The following NHS variants were observed in gnomAD, a reference collection of about 807,000 sequenced individuals.
NHS encodes NHS actin remodeling regulator, also known as actin remodeling regulator NHS.
NHS carries 5 observed loss-of-function variants against 72.5 expected under a neutral mutation model. That is an observed-to-expected ratio of 0.07 (90% CI 0.04 to 0.14). The LOEUF is 0.14. NHS is among the 10% of genes least tolerant of loss of function. The pLI, the probability that NHS is intolerant of heterozygous loss-of-function variation, is 1.00. For missense variants in NHS, 1,072 were observed against 1,355.7 expected (o/e 0.79, Z 3.29); for synonymous variants, 464 against 547.7 (o/e 0.85, Z 2.13).
Position 17,725,392 on chromosome X carries a change from A to C in NHS, c.1286A>C (p.His429Pro). ...PVARERNVIV[H>P]TNPDPSNTVN... ...GCCAGGGAAAGGAATGTGATTGTGC[A>C]CACAAACCCAGACCCCTCCAACACT... The change falls in exon 7 of 9, where the codon CAC becomes CCC. Residue 429 changes from histidine (H) to proline (P), a missense_variant. Coordinates refer to ENST00000676302, the MANE Select transcript of NHS (RefSeq NM_001291867.2). 1 of 1,206,932 alleles carries C rather than the reference A, an allele frequency of 8.3e-7. No individual in the cohort carries two copies.
At chrX:17,429,077 A>G (rs866812807) in intron 1 of NHS, among the ~76,000 whole-genome samples, 1 of 112,014 alleles carries the variant, frequency 8.9e-6, no homozygotes, top group Non-Finnish European at 1.9e-5. Flanking sequence ...CACTTGTGGA[A>G]TTCTATAGAG....
At chrX:17,461,389 A>G (rs1485551622) in intron 1 of NHS, among the ~76,000 whole-genome samples, 1 of 112,383 alleles carries the variant, frequency 8.9e-6, no homozygotes, top group Non-Finnish European at 1.9e-5. Context: ...TTCCAAACAC[A>G]AAGTCCTTTT....
At chrX:17,385,041 T>C (rs28455805) in intron 1 of NHS, among the ~76,000 whole-genome samples, 15,291 of 111,545 alleles carry the variant, frequency 0.14, 1,265 homozygotes, top group African/African-American at 0.3. Context: ...AATGTAAGGA[T>C]CTCATTCTGG....
At chrX:17,717,461 T>C (rs1478774080) in intron 3 of NHS, among the ~76,000 whole-genome samples, 1 of 112,423 alleles carries the variant, frequency 8.9e-6, no homozygotes, top group Admixed American at 9.4e-5. Flanking sequence ...CAATTCCTGT[T>C]CCATTAAAGC....
At chrX:17,603,636 T>C (rs1267816624) in intron 1 of NHS, among the ~76,000 whole-genome samples, 1 of 112,075 alleles carries the variant, frequency 8.9e-6, no homozygotes, top group Non-Finnish European at 1.9e-5. Flanking sequence ...TTATTAATGG[T>C]TCAAACAAAG....
chrX:17,389,158 G>A (rs1218529810), intron 1 of NHS, among the ~76,000 whole-genome samples: 2 of 112,107 alleles, frequency 1.8e-5, no homozygotes, highest in Non-Finnish European at 3.8e-5. Flanking sequence ...TTTACATGCA[G>A]TGAAATGTAC....
chrX:17,506,718 GT>G lies in NHS; in HGVS notation c.565+130397del, dbSNP rs1314485023. Among the ~76,000 whole-genome samples the G allele has an allele frequency of 4.5e-5, 5 of 110,881 alleles. No individual in the cohort carries two copies. In the South Asian group the frequency reaches 1.5e-3, roughly 34 times the overall value. On this transcript the variant is annotated intron_variant, in intron 1 of 8. Transcript: ENST00000676302. ...TGCCTTTTAAATTCTCAACAAGATA[GT>G]GGATTGGCCTCTAGCATCTATTCTC...
intron 1 of NHS, among the ~76,000 whole-genome samples, chrX:17,556,485 A>T (rs2146963753): frequency 8.8e-6 from 1 of 113,210 alleles, no homozygotes; most frequent in Admixed American, 9.3e-5. Context: ...AAACAACCAC[A>T]GCAAGAGCTG....
At chrX:17,395,002 T>TA (rs1352056327) in intron 1 of NHS, among the ~76,000 whole-genome samples, 1 of 110,693 alleles carries the variant, frequency 9.0e-6, no homozygotes, top group African/African-American at 3.3e-5. Context: ...ACCACAGTGT[T>TA]AAAAAATTGT....
At chrX:17,592,966 A>G (rs768501774) in intron 1 of NHS, among the ~76,000 whole-genome samples, 1 of 111,996 alleles carries the variant, frequency 8.9e-6, no homozygotes, top group Non-Finnish European at 1.9e-5. Flanking sequence ...ATCATTCACC[A>G]TAATAAAAAC....
chrX:17,437,067 G>A (rs2064727117), intron 1 of NHS, among the ~76,000 whole-genome samples: 2 of 112,086 alleles, frequency 1.8e-5, no homozygotes, highest in African/African-American at 6.5e-5. Context: ...ACTGTGTTGA[G>A]AAGGATGCTG....
chrX:17,673,395 G>A (rs1177541160), intron 1 of NHS, among the ~76,000 whole-genome samples: 1 of 111,094 alleles, frequency 9.0e-6, no homozygotes, highest in Non-Finnish European at 1.9e-5. Context: ...CTGCTCCTTT[G>A]TGGGGAAGTG....
intron 1 of NHS, among the ~76,000 whole-genome samples, chrX:17,492,522 T>A (rs2064996433): frequency 8.9e-6 from 1 of 112,372 alleles, no homozygotes; most frequent in Non-Finnish European, 1.9e-5. Context: ...TTTCCATTCT[T>A]TTGCATTTGC....
At chrX:17,445,760 G>C (rs924665303) in intron 1 of NHS, among the ~76,000 whole-genome samples, 2 of 102,725 alleles carry the variant, frequency 1.9e-5, no homozygotes, top group East Asian at 3.1e-4. Flanking sequence ...AAAAAAAGGG[G>C]GGGGGGACTC....
intron 1 of NHS, among the ~76,000 whole-genome samples, chrX:17,661,771 G>C (rs942771024): frequency 4.5e-5 from 5 of 112,070 alleles, no homozygotes; most frequent in African/African-American, 1.6e-4. Context: ...CGCGGTGGCT[G>C]ACAGCTCACA....
At chrX:17,482,539 A>G (rs112875085) in intron 1 of NHS, among the ~76,000 whole-genome samples, 1,982 of 112,382 alleles carry the variant, frequency 0.018, 12 homozygotes, top group Non-Finnish European at 0.03. Context: ...TCATGGCAGA[A>G]TATTCGTGAT....
At chrX:17,631,000 C>A (rs1362108541) in intron 1 of NHS, among the ~76,000 whole-genome samples, 1 of 112,009 alleles carries the variant, frequency 8.9e-6, no homozygotes, top group Non-Finnish European at 1.9e-5. Flanking sequence ...GAGAACCACT[C>A]ATTCTAGCCC....
intron 1 of NHS, among the ~76,000 whole-genome samples, chrX:17,435,568 A>G (rs1401956366): frequency 8.9e-6 from 1 of 112,146 alleles, no homozygotes; most frequent in Admixed American, 9.4e-5. Context: ...TTGGGGAGGG[A>G]AAGACAAGCA....
intron 1 of NHS, among the ~76,000 whole-genome samples, chrX:17,444,468 T>C (rs1020863867): frequency 8.9e-5 from 10 of 112,276 alleles, no homozygotes; most frequent in Admixed American, 1.9e-4. Context: ...GGAGGGTTTA[T>C]TAAAATGCTG....
Sources: gnomAD v4.1 joint callset for allele counts (sites outside exome capture counted in the v4.1 genomes callset) on GRCh38, gnomAD v4.1.1 for gene constraint, MANE v1.5 for transcripts, NCBI Gene and HGNC (gene_info 2026-07-23, HGNC 2026-07-21) for gene names.